The following ERC1 variants were observed in gnomAD, a reference collection of about 807,000 sequenced individuals.
ERC1 encodes RAB6 interacting protein 2.
A neutral mutation model predicts 132.0 loss-of-function variants in ERC1; 56 were observed. The ratio of observed to expected loss-of-function variants is 0.42; its 90% confidence interval spans 0.34 to 0.53. The LOEUF is 0.53. Among genes scored for constraint, ERC1 ranks in the 20% least tolerant of loss-of-function variants. ERC1 has a pLI of 0.03. For missense variants in ERC1, 1,202 were observed against 1,349.9 expected, an observed-to-expected ratio of 0.89 and a Z score of 1.72; for synonymous variants, 478 against 476.1, an observed-to-expected ratio of 1.00 and a Z score of -0.05.
At chr12:1,242,925 C>T (rs553229085) in intron 13 of ERC1, among the ~76,000 whole-genome samples, 4 of 152,290 alleles carry the variant, frequency 2.6e-5, no homozygotes, top group African/African-American at 4.8e-5. Flanking sequence ...CGGTGGCTCA[C>T]GCCTGTAATC....
chr12:1,395,762 A>G (rs2090483571), intron 16 of ERC1, among the ~76,000 whole-genome samples: 1 of 150,768 alleles, frequency 6.6e-6, no homozygotes. Context: ...TTTCTTAAGA[A>G]CGAGCAGATA....
intron 5 of ERC1, among the ~76,000 whole-genome samples, chr12:1,110,641 A>G (rs1192247679): frequency 1.3e-5 from 2 of 152,210 alleles, no homozygotes; most frequent in Admixed American, 6.5e-5. Context: ...AAACTTCCAG[A>G]TGAGTTTTTC....
At chr12:1,252,539 CTG>C (rs766821847) in intron 13 of ERC1, among the ~76,000 whole-genome samples, 5 of 152,140 alleles carry the variant, frequency 3.3e-5, no homozygotes, top group African/African-American at 4.8e-5. Flanking sequence ...ACTCTATGCT[CTG>C]TAAAATTTAT....
At chr12:1,024,049 A>G (rs533020919) in intron 1 of ERC1, among the ~76,000 whole-genome samples, 11 of 152,196 alleles carry the variant, frequency 7.2e-5, no homozygotes, top group Non-Finnish European at 1.2e-4. Context: ...TCTCTTATGT[A>G]GGAGATGAGA....
intron 2 of ERC1, among the ~76,000 whole-genome samples, chr12:1,056,531 A>T (rs866972894): frequency 6.6e-6 from 1 of 152,262 alleles, no homozygotes; most frequent in East Asian, 1.9e-4. Flanking sequence ...ATAGGGCATG[A>T]AAGATTGGTT....
chr12:1,340,607 G>A (rs984154372), intron 15 of ERC1, among the ~76,000 whole-genome samples: 14 of 152,192 alleles, frequency 9.2e-5, no homozygotes, highest in East Asian at 3.9e-4. Context: ...GCAGTAGCCC[G>A]GTGCAGCGTT....
chr12:1,433,532 C>T (rs939164223), intron 17 of ERC1, among the ~76,000 whole-genome samples: 1 of 152,228 alleles, frequency 6.6e-6, no homozygotes, highest in African/African-American at 2.4e-5. Flanking sequence ...GGCACACACA[C>T]CTGCCTTAGA....
intron 15 of ERC1, among the ~76,000 whole-genome samples, chr12:1,353,875 G>A (rs1372053496): frequency 6.6e-6 from 1 of 152,138 alleles, no homozygotes; most frequent in Admixed American, 6.5e-5. Flanking sequence ...TGGAAATTTT[G>A]TATTCTTTAT....
At chr12:1,467,650 A>G (rs2093771088) in intron 18 of ERC1, among the ~76,000 whole-genome samples, 1 of 152,210 alleles carries the variant, frequency 6.6e-6, no homozygotes, top group Admixed American at 6.5e-5. Context: ...GAAGCACATT[A>G]CATTTATTGT....
At chr12:1,025,091 T>C (rs921152464) in intron 1 of ERC1, among the ~76,000 whole-genome samples, 1 of 152,196 alleles carries the variant, frequency 6.6e-6, no homozygotes, top group Non-Finnish European at 1.5e-5. Context: ...CTTGGATATC[T>C]GGATACGTTC....
chr12:1,242,339 C>T (rs1280261021), intron 13 of ERC1, among the ~76,000 whole-genome samples: 2 of 151,986 alleles, frequency 1.3e-5, no homozygotes, highest in East Asian at 3.8e-4. Context: ...TAGTCATCTC[C>T]AGCCAGGAAC....
chr12:1,334,985 C>T (rs1329867850), intron 15 of ERC1, among the ~76,000 whole-genome samples: 1 of 152,058 alleles, frequency 6.6e-6, no homozygotes, highest in African/African-American at 2.4e-5. Flanking sequence ...TATACTTTTT[C>T]AGGCACGTGT....
rs1172269593 is a variant in ERC1, at chr12:1,196,976, A to ATTT, written c.2351+6944_2351+6946dup. Among the ~76,000 whole-genome samples, 69 of 73,304 alleles carry ATTT rather than the reference A, an allele frequency of 9.4e-4. 8 individuals are homozygous for ATTT. Among genetic ancestry groups the ATTT allele is most frequent in the African/African-American group, 2.5e-3 (47 of 18,930 alleles). The allele number at this position is 73,304 out of a possible 152,430, so 48.1% of individuals were successfully genotyped here. On this transcript the variant is annotated intron_variant, in intron 12 of 18. Transcript: ENST00000360905. ...CACACACACACATATATATATATAT[A>ATTT]TTTTTTTTTTTTTTTTTTTTTTAAG...
In ERC1 at chr12:1,203,813, A is replaced by G. The variant is rs144342974; in HGVS notation, c.2351+13761A>G. 1.0e-3 allele frequency among the ~76,000 whole-genome samples: 158 copies of G among 152,358 alleles called. 1 individual carries two copies. Among genetic ancestry groups the G allele is most frequent in the Non-Finnish European group, 4.1e-4 (28 of 68,034 alleles). ...CAGGAATATTAAGCATGACTGCTTT[A>G]TATCTCCTACTGCTAAGCAGCATTG... On this transcript the variant is annotated intron_variant, in intron 12 of 18. Coordinates refer to ENST00000360905, the MANE Select transcript of ERC1 (RefSeq NM_178040.4).
At chr12:1,373,923 T>C (rs567695618) in intron 16 of ERC1, among the ~76,000 whole-genome samples, 2 of 152,380 alleles carry the variant, frequency 1.3e-5, no homozygotes, top group African/African-American at 4.8e-5. Flanking sequence ...GTGTCCTGTA[T>C]GAAGAGAAAA....
At chr12:1,342,480 A>C (rs945611112) in intron 15 of ERC1, among the ~76,000 whole-genome samples, 5 of 151,658 alleles carry the variant, frequency 3.3e-5, no homozygotes, top group East Asian at 1.9e-4. Flanking sequence ...AAAAAAAAAA[A>C]AACAAAAAAA....
In ERC1 at chr12:1,495,863, CT is replaced by C. The variant is rs1277086200; in HGVS notation, c.*5636del. The C allele has an allele frequency of 5.1e-6, 1 of 196,044 alleles. No individual in the cohort carries two copies. The highest frequency in any genetic ancestry group is 2.3e-5 in the African/African-American group (1 of 43,168). The allele number at this position is 196,044 out of a possible 1,614,324, so 12.1% of individuals were successfully genotyped here. On this transcript the variant is annotated 3_prime_UTR_variant, in exon 19 of 19. Transcript: ENST00000360905. ...TTTGCCTTGATAATTATTGTAAACA[CT>C]TTGTTCATTTTTTCTTTTTTATTCA... is the stretch of plus-strand genomic sequence containing the variant.
At chr12:1,153,534 C>T (rs927333906) in intron 8 of ERC1, among the ~76,000 whole-genome samples, 1 of 152,242 alleles carries the variant, frequency 6.6e-6, no homozygotes, top group African/African-American at 2.4e-5. Flanking sequence ...GCAGTCCAGT[C>T]AACAGCTCAC....
chr12:1,249,903 A>G (rs989080922), intron 13 of ERC1, among the ~76,000 whole-genome samples: 1 of 152,200 alleles, frequency 6.6e-6, no homozygotes, highest in Middle Eastern at 3.2e-3. Flanking sequence ...AGCCTCTTTT[A>G]TAAGGGCATT....
Sources: gnomAD v4.1 joint callset for allele counts (sites outside exome capture counted in the v4.1 genomes callset) on GRCh38, gnomAD v4.1.1 for gene constraint, MANE v1.5 for transcripts, NCBI Gene and HGNC (gene_info 2026-07-23, HGNC 2026-07-21) for gene names.